FAH: variants seen among roughly 807,000 people sequenced by gnomAD.
FAH encodes fumarylacetoacetase.
Under a neutral mutation model 55.8 loss-of-function variants are expected in FAH, and 47 were observed. The ratio of observed to expected loss-of-function variants is 0.84; its 90% CI spans 0.67 to 1.07. FAH has a LOEUF of 1.07. Among genes scored for constraint, FAH ranks in the 50% least tolerant of loss-of-function variants. The pLI, the probability that FAH is intolerant of heterozygous loss-of-function variation, is 0.00. For missense variants in FAH, 495 were observed against 545.9 expected, an observed-to-expected ratio of 0.91 and a Z score of 0.93; for synonymous variants, 199 against 207.7, an observed-to-expected ratio of 0.96 and a Z score of 0.36.
chr15:80,174,202 C>T (rs2041264151), intron 9 of FAH, among the ~76,000 whole-genome samples: 1 of 152,270 alleles, frequency 6.6e-6, no homozygotes, highest in East Asian at 1.9e-4. Flanking sequence ...TGTCTAGTCT[C>T]CCTAGGGCTG....
intron 9 of FAH, chr15:80,173,410 C>A: frequency 1.8e-6 from 1 of 557,376 alleles, no homozygotes; most frequent in South Asian, 2.0e-5. Context: ...TTGCAAGACC[C>A]GGGGGATCTG....
intron 7 of FAH, among the ~76,000 whole-genome samples, chr15:80,169,487 G>T (rs940673567): frequency 6.6e-5 from 10 of 152,144 alleles, no homozygotes; most frequent in Non-Finnish European, 1.5e-5. Context: ...TCAGAACTGT[G>T]GTCACTTTAG....
Position 80,173,025 on chromosome 15 carries a change from C to T in FAH, c.718C>T (p.Gln240Ter), listed in dbSNP as rs1315840625. ...LMNDWSARDI[Q>*]KWEYVPLGPF... The stretch of plus-strand genomic sequence containing the variant: ...CCCTTCTTCTGCAGCACGAGACATT[C>T]AGAAGTGGGAGTATGTCCCTCTCGG... The change falls in exon 9 of 14, where the codon CAG (glutamine) becomes TAG (stop). Residue 240 changes from glutamine to a stop codon, truncating the protein, a stop_gained. Coordinates refer to ENST00000561421, the MANE Select transcript of FAH (RefSeq NM_000137.4). LOFTEE classifies it high-confidence loss of function. 1 of 1,614,232 alleles carries T rather than the reference C, an allele frequency of 6.2e-7. No individual in the cohort carries two copies. The highest frequency in any genetic ancestry group is 8.5e-7 in the Non-Finnish European group (1 of 1,180,040).
intron 5 of FAH, chr15:80,166,052 C>T (rs1159452124): frequency 6.6e-6 from 1 of 152,156 alleles, no homozygotes; most frequent in African/African-American, 2.4e-5. Flanking sequence ...AAACAGAACT[C>T]AACCACCTAT....
intron 10 of FAH, 80 bp from the exon 11 acceptor site, chr15:80,177,457 C>T (rs550076957): frequency 8.0e-7 from 1 of 1,247,676 alleles, no homozygotes; most frequent in East Asian, 2.3e-5. Context: ...GAAGCTTCAG[C>T]CACAGAACAA....
intron 7 of FAH, among the ~76,000 whole-genome samples, chr15:80,171,872 A>T (rs1352112013): frequency 6.6e-6 from 1 of 152,192 alleles, no homozygotes; most frequent in Admixed American, 6.5e-5. Context: ...GAAAGAGCAG[A>T]GTGGCCTGGG....
At chr15:80,185,638 T>C (rs190362011) in intron 13 of FAH, among the ~76,000 whole-genome samples, 48 of 152,292 alleles carry the variant, frequency 3.2e-4, no homozygotes, top group East Asian at 1.9e-3. Context: ...GCAAAAGGCA[T>C]GTCTTACATG....
intron 2 of FAH, 67 bp from the exon 3 acceptor site, chr15:80,159,689 A>G: frequency 6.2e-7 from 1 of 1,606,742 alleles, no homozygotes; most frequent in Non-Finnish European, 8.5e-7. Context: ...CTGGCCTTCC[A>G]TTGGAAGGAG....
chr15:80,164,603 A>G (rs962855134), intron 5 of FAH, among the ~76,000 whole-genome samples: 7 of 152,220 alleles, frequency 4.6e-5, no homozygotes, highest in African/African-American at 1.7e-4. Context: ...ATAGGCCGGT[A>G]TGAGCATAGA....
upstream of FAH, chr15:80,152,986 A>G (rs1414756125): frequency 2.8e-6 from 4 of 1,423,182 alleles, no homozygotes; most frequent in Non-Finnish European, 3.9e-6. Flanking sequence ...GCCTGACCAC[A>G]GCGGCCGAGT....
chr15:80,162,231 G>A lies in FAH; in HGVS notation c.365-15G>A. 1.2e-6 allele frequency: 2 copies of A among 1,609,282 alleles called. No homozygotes were observed. The highest frequency in any genetic ancestry group is 4.5e-5 in the East Asian group (2 of 44,860). On this transcript the variant is annotated splice_polypyrimidine_tract_variant and intron_variant, in intron 4 of 13. Transcript: ENST00000561421. The stretch of plus-strand genomic sequence containing the variant: ...GTGGGTTGCTGATGGGATCTGTTGG[G>A]TCTTTCCTCTGCAGGAGACTACACA...
Position 80,175,041 on chromosome 15 carries a change from G to A in FAH, c.863G>A (p.Cys288Tyr), listed in dbSNP as rs756386072. 31 of 1,612,678 alleles carry A rather than the reference G, an allele frequency of 1.9e-5. No individual in the cohort carries two copies. Among genetic ancestry groups the A allele is most frequent in the Non-Finnish European group, 2.3e-5 (27 of 1,179,566 alleles). ...KQDPRPLPYL[C>Y]HDEPYTFDIN... is the part of the protein sequence containing the mutation. ...GACCCCAGGCCCCTGCCGTATCTGT[G>A]CCATGACGAGCCCTACACATTTGAC... Residue 288 changes from cysteine to tyrosine, a missense_variant, in exon 10 of 14, where the codon TGC becomes TAC. Coordinates refer to ENST00000561421, the MANE Select transcript of FAH (RefSeq NM_000137.4).
intron 5 of FAH, among the ~76,000 whole-genome samples, chr15:80,165,218 C>T (rs934228897): frequency 6.6e-6 from 1 of 152,046 alleles, no homozygotes; most frequent in Non-Finnish European, 1.5e-5. Flanking sequence ...TGGTGAAACC[C>T]TGTCTCTACT....
rs532603631 is a variant in FAH at position 80,166,428 on chromosome 15, C to T, written c.456-1624C>T. ...GGGTTATAGGCATGAGCCACCGTGC[C>T]CGGCCTTCTTATATATTTTTTCACA... is the stretch of plus-strand genomic sequence containing the variant. On this transcript the variant is annotated intron_variant, in intron 5 of 13. Coordinates refer to ENST00000561421, the MANE Select transcript of FAH (RefSeq NM_000137.4). 2.6e-5 allele frequency: 4 copies of T among 152,220 alleles called. 1 individual carries two copies. In the South Asian group the frequency reaches 8.3e-4, roughly 32 times the overall value. 9.4% of individuals were successfully genotyped at this position (152,220 alleles called of 1,614,324 possible).
rs138500421 is a variant in FAH, at chr15:80,181,881, G to A, written c.1180+722G>A. Among the ~76,000 whole-genome samples the A allele has an allele frequency of 1.4e-3, 211 of 152,290 alleles. 1 individual carries two copies. Among genetic ancestry groups the A allele is most frequent in the African/African-American group, 4.8e-3 (200 of 41,562 alleles). On this transcript the variant is annotated intron_variant, in intron 13 of 13. Coordinates refer to ENST00000561421, the MANE Select transcript of FAH (RefSeq NM_000137.4). ...CTGTGCCTTAGCCTCCCGAGTAGCT[G>A]GGATTACAGGCGCGCTAATTGTGTA...
chr15:80,175,917 G>A (rs904601041), intron 10 of FAH, among the ~76,000 whole-genome samples: 2 of 152,218 alleles, frequency 1.3e-5, no homozygotes, highest in African/African-American at 4.8e-5. Context: ...GGGGGCCCTC[G>A]GATGGGGAGG....
rs772824887 is a variant in FAH, at chr15:80,172,234, T to C, written c.692T>C (p.Met231Thr). The change falls in exon 8 of 14, where the codon ATG (methionine) becomes ACG (threonine). Residue 231 changes from methionine to threonine, a missense_variant. Physicochemically the swap from Met to Thr is moderately conservative, Grantham distance 81. Transcript: ENST00000561421. ...AHEHIFGMVL[M>T]NDWSARDIQK... ...GAGCACATTTTTGGAATGGTCCTTA[T>C]GAACGACTGGAGTGGTAATTACTGG... is the stretch of plus-strand genomic sequence containing the variant. 14 of 1,612,246 alleles carry C rather than the reference T, an allele frequency of 8.7e-6. No individual in the cohort carries two copies. The highest frequency in any genetic ancestry group is 1.7e-4 in the Middle Eastern group (1 of 6,060).
intron 12 of FAH, 33 bp downstream of exon 12, chr15:80,180,258 G>C: frequency 6.5e-7 from 1 of 1,533,730 alleles, no homozygotes; most frequent in South Asian, 1.1e-5. Context: ...GGCTGCCCAC[G>C]CAGAGCATCC....
At chr15:80,168,868 C>A (rs1057350541) in intron 7 of FAH, among the ~76,000 whole-genome samples, 3 of 152,132 alleles carry the variant, frequency 2.0e-5, no homozygotes, top group African/African-American at 7.2e-5. Flanking sequence ...TTTGTTCAGG[C>A]AAGTTACAGT....
Sources: allele counts gnomAD v4.1 joint callset (sites outside exome capture counted in the v4.1 genomes callset), GRCh38; gene constraint gnomAD v4.1.1; transcripts MANE v1.5; gene names NCBI Gene and HGNC (gene_info 2026-07-23, HGNC 2026-07-21).